The following ARMH4 variants were observed in gnomAD, a reference collection of about 807,000 sequenced individuals.
ARMH4 encodes armadillo like helical domain containing 4.
ARMH4 carries 49 observed loss-of-function variants against 61.9 expected under a neutral mutation model. The observed-to-expected ratio is 0.79, with a 90% confidence interval of 0.63 to 1.00. The LOEUF is 1.00. Among genes scored for constraint, ARMH4 ranks in the 50% least tolerant of loss-of-function variants. The pLI is 0.00. For synonymous variants in ARMH4, 368 were observed against 341.5 expected, an observed-to-expected ratio of 1.08 and a Z score of -0.85; for missense variants, 934 against 930.0, an observed-to-expected ratio of 1.00 and a Z score of -0.06.
chr14:58,136,183 A>G (rs950227727), intron 2 of ARMH4, among the ~76,000 whole-genome samples: 2 of 152,206 alleles, frequency 1.3e-5, no homozygotes, highest in Admixed American at 6.5e-5. Flanking sequence ...TTAAAAGATT[A>G]TAATTTGCTG....
At chr14:58,149,167 G>A (rs575331253) in intron 1 of ARMH4, among the ~76,000 whole-genome samples, 17 of 151,802 alleles carry the variant, frequency 1.1e-4, no homozygotes, top group African/African-American at 3.9e-4. Flanking sequence ...CAATACTATT[G>A]TATTTACTTA....
chr14:58,060,938 T>C (rs1730565328), intron 5 of ARMH4, among the ~76,000 whole-genome samples: 2 of 152,124 alleles, frequency 1.3e-5, no homozygotes, highest in African/African-American at 4.8e-5. Flanking sequence ...CCCCTCCAGG[T>C]CCTCTCAGCT....
chr14:58,055,099 C>G (rs73308337), intron 5 of ARMH4, among the ~76,000 whole-genome samples: 2,095 of 152,250 alleles, frequency 0.014, 64 homozygotes, highest in African/African-American at 0.048. Context: ...TAACTTCACT[C>G]TAATAGCTGC....
intron 6 of ARMH4, 54 bp from the exon 7 acceptor site, chr14:58,005,236 G>A (rs1045626461): frequency 1.3e-5 from 21 of 1,607,248 alleles, no homozygotes; most frequent in Non-Finnish European, 1.7e-5. Context: ...CGCCGCCCTG[G>A]GTTTCTCATT....
intron 4 of ARMH4, among the ~76,000 whole-genome samples, chr14:58,110,652 T>C (rs1326515651): frequency 6.6e-6 from 1 of 152,214 alleles, no homozygotes; most frequent in African/African-American, 2.4e-5. Context: ...TCATTATTAA[T>C]GTCTAACCTA....
chr14:58,034,028 G>A (rs1470747362), intron 5 of ARMH4, among the ~76,000 whole-genome samples: 16 of 117,426 alleles, frequency 1.4e-4, no homozygotes, highest in African/African-American at 4.6e-4. Flanking sequence ...GCAGGCCAAC[G>A]TTCAGATTCA....
chr14:58,107,678 C>T (rs954022119), intron 4 of ARMH4, among the ~76,000 whole-genome samples: 7 of 150,118 alleles, frequency 4.7e-5, no homozygotes, highest in Non-Finnish European at 7.4e-5. Flanking sequence ...GCAGGAGAAT[C>T]GCTTGAACCC....
At chr14:58,052,523 C>T (rs142333313) in intron 5 of ARMH4, among the ~76,000 whole-genome samples, 1 of 152,222 alleles carries the variant, frequency 6.6e-6, no homozygotes, top group East Asian at 1.9e-4. Flanking sequence ...TTCCCTCAGT[C>T]GACCACTCCC....
intron 5 of ARMH4, among the ~76,000 whole-genome samples, chr14:58,024,119 A>G (rs1217790739): frequency 6.6e-6 from 1 of 152,172 alleles, no homozygotes; most frequent in Non-Finnish European, 1.5e-5. Flanking sequence ...CTAACAAGAG[A>G]GTCAGCCTGT....
Position 58,135,947 on chromosome 14 carries a change from CA to C in ARMH4, c.1369+2042del, listed in dbSNP as rs915703631. Among the ~76,000 whole-genome samples the C allele has an allele frequency of 4.3e-4, 62 of 144,778 alleles. No homozygotes were observed. The East Asian group carries it at 5.4e-3, about 13-fold the overall frequency. 95.0% of individuals were successfully genotyped at this position (144,778 alleles called of 152,430 possible). On this transcript the variant is annotated intron_variant, in intron 2 of 7. Coordinates refer to ENST00000267485, the MANE Select transcript of ARMH4 (RefSeq NM_001001872.4). ...TCCCATTCCTTTTAACTCTATGGGA[CA>C]AAAAAAAAAGTAAAACAAAAGTAAT... is the stretch of plus-strand genomic sequence containing the variant.
chr14:58,098,645 G>A (rs1216485148), intron 4 of ARMH4, among the ~76,000 whole-genome samples: 3 of 152,202 alleles, frequency 2.0e-5, no homozygotes, highest in African/African-American at 7.2e-5. Context: ...TGGAGGAAAT[G>A]GCAAGGACCT....
chr14:58,059,442 A>G (rs1884459428), intron 5 of ARMH4, among the ~76,000 whole-genome samples: 1 of 152,180 alleles, frequency 6.6e-6, no homozygotes, highest in African/African-American at 2.4e-5. Context: ...AGGATGCTAA[A>G]TTTCATCAGA....
chr14:58,030,399 C>CA (rs1883186077), intron 5 of ARMH4, among the ~76,000 whole-genome samples: 2 of 152,054 alleles, frequency 1.3e-5, no homozygotes, highest in Admixed American at 1.3e-4. Flanking sequence ...AACCACTAGG[C>CA]AAAAAATGGA....
rs768630810 is a variant in ARMH4, at chr14:58,138,720, C to G, written c.639G>C (p.Lys213Asn). ...TCTTTGGATTGGTGGTTAGCATTTC[C>G]TTAGTATTCACATAGGATGAAGGTG... is the stretch of plus-strand genomic sequence containing the variant. ...GHSPSSYVNT[K>N]EMLTTNPKTE... is the part of the protein sequence containing the mutation. The change falls in exon 2 of 8, where the codon AAG becomes AAC. Residue 213 changes from lysine to asparagine, a missense_variant. Lys to Asn is a moderately conservative substitution (Grantham distance 94). Coordinates refer to ENST00000267485, the MANE Select transcript of ARMH4 (RefSeq NM_001001872.4). The G allele has an allele frequency of 6.2e-7, 1 of 1,614,132 alleles. No individual in the cohort carries two copies. Among genetic ancestry groups the G allele is most frequent in the East Asian group, 2.2e-5 (1 of 44,882 alleles).
rs1253605315 is a variant in ARMH4, at chr14:58,003,222, C to T, written c.*1514G>A. The T allele has an allele frequency of 1.3e-5, 2 of 152,218 alleles. No individual in the cohort carries two copies. The highest frequency in any genetic ancestry group is 6.5e-5 in the Admixed American group (1 of 15,268). The allele number at this position is 152,218 out of a possible 1,614,324, so 9.4% of individuals were successfully genotyped here. A position where few individuals can be genotyped will look rare whatever the true frequency, so the allele number is the denominator to read the frequency against. ...GGACCCTGAAATGTCACTGCTTCCACCAAAGTCTATGAAAAGGTTACTGAA... is the reference window on the plus strand; with the variant it reads ...GGACCCTGAAATGTCACTGCTTCCATCAAAGTCTATGAAAAGGTTACTGAA... On this transcript the variant is annotated 3_prime_UTR_variant, in exon 8 of 8. Transcript: ENST00000267485.
At chr14:58,144,939 C>T (rs1382078418) in intron 1 of ARMH4, among the ~76,000 whole-genome samples, 3 of 152,134 alleles carry the variant, frequency 2.0e-5, no homozygotes, top group Admixed American at 6.6e-5. Flanking sequence ...ATTACACCTT[C>T]GGATTTCTGT....
intron 5 of ARMH4, among the ~76,000 whole-genome samples, chr14:58,015,280 T>C (rs186132218): frequency 6.6e-5 from 10 of 152,320 alleles, no homozygotes; most frequent in Non-Finnish European, 1.3e-4. Flanking sequence ...GCATGTTCCA[T>C]TGATCTAGTT....
At chr14:58,033,139 C>G (rs1458856170) in intron 5 of ARMH4, among the ~76,000 whole-genome samples, 1 of 96,450 alleles carries the variant, frequency 1.0e-5, no homozygotes, top group Non-Finnish European at 2.3e-5. Context: ...CCTCTGCAGA[C>G]TTAAGTGTCC....
At chr14:58,019,647 C>T (rs1371861519) in intron 5 of ARMH4, among the ~76,000 whole-genome samples, 1 of 151,794 alleles carries the variant, frequency 6.6e-6, no homozygotes, top group Non-Finnish European at 1.5e-5. Flanking sequence ...AAAAATTAGC[C>T]GAGTATGGTG....
Sources: gnomAD v4.1 joint callset for allele counts (sites outside exome capture counted in the v4.1 genomes callset) on GRCh38, gnomAD v4.1.1 for gene constraint, MANE v1.5 for transcripts, NCBI Gene and HGNC (gene_info 2026-07-23, HGNC 2026-07-21) for gene names.